Variants in SLC23A2 observed in about 807,000 individuals in gnomAD.
The protein encoded by SLC23A2 is solute carrier family 23 member 2.
SLC23A2 carries 36 observed loss-of-function variants against 73.3 expected under a neutral mutation model. The observed-to-expected ratio is 0.49, with a 90% CI of 0.38 to 0.65. The LOEUF is 0.65. SLC23A2 is among the 30% of genes least tolerant of loss of function. The pLI is 0.00. For synonymous variants in SLC23A2, 343 were observed against 327.3 expected (o/e 1.05, Z -0.52); for missense variants, 507 against 841.6 (o/e 0.60, Z 4.92).
At chr20:4,978,826 A>T (rs1170993777) in intron 1 of SLC23A2, among the ~76,000 whole-genome samples, 1 of 152,106 alleles carries the variant, frequency 6.6e-6, no homozygotes, top group African/African-American at 2.4e-5. Flanking sequence ...AACCCCTAAA[A>T]CCTAGCTAGG....
Position 4,862,679 on chromosome 20 carries a change from T to G in SLC23A2, c.1486+99A>C, listed in dbSNP as rs1930016357. On this transcript the variant is annotated intron_variant, in intron 14 of 16. Transcript: ENST00000338244. This position sits in a 1 kb window ranked among gnomAD's most constrained non-coding sequence, Gnocchi z 5.1. The stretch of plus-strand genomic sequence containing the variant: ...ATCCTTTGTATTTTAAAATAGAAAT[T>G]TATCGTTACCTTCTTACTGAAGGGA... 3 of 1,104,174 alleles carry G rather than the reference T, an allele frequency of 2.7e-6. No individual in the cohort carries two copies. The highest frequency in any genetic ancestry group is 3.9e-6 in the Non-Finnish European group (3 of 771,290). 68.4% of individuals were successfully genotyped at this position (1,104,174 alleles called of 1,614,324 possible).
chr20:4,871,126 C>T (rs984382615), intron 11 of SLC23A2, among the ~76,000 whole-genome samples: 1 of 152,132 alleles, frequency 6.6e-6, no homozygotes, highest in Non-Finnish European at 1.5e-5. Context: ...GCCCTTCTTC[C>T]GTTGAAGCAT....
chr20:4,898,644 G>C (rs1431779737), intron 6 of SLC23A2, among the ~76,000 whole-genome samples: 1 of 152,300 alleles, frequency 6.6e-6, no homozygotes, highest in East Asian at 1.9e-4. Context: ...GGAAAGGAGA[G>C]GAAAAGACAA....
intron 1 of SLC23A2, among the ~76,000 whole-genome samples, chr20:4,999,121 A>G (rs554578882): frequency 1.3e-5 from 2 of 152,106 alleles, no homozygotes; most frequent in East Asian, 3.9e-4. Flanking sequence ...TACTGCTTTT[A>G]ATTACCTTAA....
intron 6 of SLC23A2, among the ~76,000 whole-genome samples, chr20:4,894,166 A>G (rs1257564643): frequency 1.3e-5 from 2 of 152,178 alleles, no homozygotes; most frequent in Non-Finnish European, 2.9e-5. Flanking sequence ...GCTCAGGGGA[A>G]AACTCGGTAA....
chr20:4,958,098 G>A (rs1353825312), intron 2 of SLC23A2, among the ~76,000 whole-genome samples: 1 of 152,090 alleles, frequency 6.6e-6, no homozygotes, highest in African/African-American at 2.4e-5. Context: ...AAGACTGTCT[G>A]CACCCTTCCA....
chr20:4,963,618 T>C (rs2087427272), intron 2 of SLC23A2, among the ~76,000 whole-genome samples: 1 of 151,606 alleles, frequency 6.6e-6, no homozygotes, highest in Admixed American at 6.6e-5. Context: ...GAGGCCAAGA[T>C]GGGTGGATCA....
At chr20:4,990,397 TCTCA>T (rs2087906264) in intron 1 of SLC23A2, among the ~76,000 whole-genome samples, 1 of 151,706 alleles carries the variant, frequency 6.6e-6, no homozygotes, top group African/African-American at 2.4e-5. Context: ...TGAGACAGAG[TCTCA>T]CTCAGTGGCC....
chr20:4,864,193 G>T (rs1231851958), intron 13 of SLC23A2, among the ~76,000 whole-genome samples: 1 of 152,240 alleles, frequency 6.6e-6, no homozygotes. Flanking sequence ...TGACCCCAGT[G>T]AGGAGAAGAG....
intron 3 of SLC23A2, among the ~76,000 whole-genome samples, chr20:4,920,885 C>T (rs1932481569): frequency 6.6e-6 from 1 of 152,170 alleles, no homozygotes; most frequent in African/African-American, 2.4e-5. Context: ...ATCCAGGGAT[C>T]TTCTCTGTAA....
chr20:4,914,836 T>G (rs1330733750), intron 3 of SLC23A2, among the ~76,000 whole-genome samples: 1 of 151,726 alleles, frequency 6.6e-6, no homozygotes, highest in Non-Finnish European at 1.5e-5. Flanking sequence ...AGGTCGGGAG[T>G]TCGAGACCAG....
chr20:4,859,782 G>A (rs969783249), intron 15 of SLC23A2, among the ~76,000 whole-genome samples: 10 of 152,160 alleles, frequency 6.6e-5, no homozygotes, highest in African/African-American at 2.4e-4. Flanking sequence ...AATATTTCTG[G>A]CACCTGCAGT....
At position 4,947,434 on chromosome 20, in the gene SLC23A2, C is replaced by T. The variant is rs2122977420; in HGVS notation, c.-154-14718G>A. The stretch of plus-strand genomic sequence containing the variant: ...GATTTAACACATCACTTTTTGCACA[C>T]ATGGTGCTTTTTATTTCAACACTAT... On this transcript the variant is annotated intron_variant, in intron 2 of 16. Transcript: ENST00000338244. This position sits in a 1 kb window ranked among gnomAD's most constrained non-coding sequence, Gnocchi z 4.4. 6.6e-6 allele frequency among the ~76,000 whole-genome samples: 1 copy of T among 152,328 alleles called. No individual in the cohort carries two copies. The highest frequency in any genetic ancestry group is 1.9e-4 in the East Asian group (1 of 5,192).
At chr20:4,971,206 C>T (rs907432729) in intron 1 of SLC23A2, among the ~76,000 whole-genome samples, 1 of 151,430 alleles carries the variant, frequency 6.6e-6, no homozygotes, top group East Asian at 1.9e-4. Flanking sequence ...GTGGCTCACA[C>T]CTGTAACCCC....
chr20:4,925,029 T>A (rs1932623997), intron 3 of SLC23A2, among the ~76,000 whole-genome samples: 1 of 151,620 alleles, frequency 6.6e-6, no homozygotes, highest in African/African-American at 2.4e-5. Flanking sequence ...AAAAAAAAAA[T>A]TAAAAATCAG....
chr20:4,942,521 G>A (rs1568634943), intron 2 of SLC23A2, among the ~76,000 whole-genome samples: 1 of 152,088 alleles, frequency 6.6e-6, no homozygotes, highest in Non-Finnish European at 1.5e-5. Flanking sequence ...AATTCCCTAA[G>A]GACTGAATCA....
At chr20:4,897,497 C>G (rs548874710) in intron 6 of SLC23A2, among the ~76,000 whole-genome samples, 1 of 152,330 alleles carries the variant, frequency 6.6e-6, no homozygotes, top group East Asian at 1.9e-4. Flanking sequence ...CGCACAGACA[C>G]GCACCCTCCT....
chr20:5,009,301 C>T (rs923950165), intron 1 of SLC23A2, among the ~76,000 whole-genome samples: 5 of 151,980 alleles, frequency 3.3e-5, no homozygotes, highest in Admixed American at 1.3e-4. Context: ...TTTCTGTTGT[C>T]CCTGCAAAAG....
chr20:4,964,942 T>C (rs2087451693), intron 2 of SLC23A2, among the ~76,000 whole-genome samples: 1 of 151,864 alleles, frequency 6.6e-6, no homozygotes, highest in Non-Finnish European at 1.5e-5. Context: ...ACCAAAATAG[T>C]ACATGATTAT....
Sources: gnomAD v4.1 joint callset for allele counts (sites outside exome capture counted in the v4.1 genomes callset) on GRCh38, gnomAD v4.1.1 for gene constraint, Gnocchi (gnomAD v3.1) non-coding constraint, MANE v1.5 for transcripts, NCBI Gene and HGNC (gene_info 2026-07-23, HGNC 2026-07-21) for gene names.